The following KCNN2 variants were observed in gnomAD, a reference collection of about 807,000 sequenced individuals.
The protein encoded by KCNN2 is potassium calcium-activated channel subfamily N member 2, also known as small conductance calcium-activated potassium channel protein 2.
In KCNN2, 24 loss-of-function variants were observed where a neutral mutation model predicts 55.5. The ratio of observed to expected loss-of-function variants is 0.43; its 90% CI spans 0.31 to 0.61. The LOEUF is 0.61. Among genes scored for constraint, KCNN2 ranks in the 20% least tolerant of loss-of-function variants. KCNN2 has a pLI of 0.08. For missense variants in KCNN2, 754 were observed against 853.6 expected (o/e 0.88, Z 1.45); for synonymous variants, 431 against 336.1 (o/e 1.28, Z -3.09).
chr5:114,471,356 A>AAAT (rs1761733756), intron 4 of KCNN2, among the ~76,000 whole-genome samples: 1 of 152,188 alleles, frequency 6.6e-6, no homozygotes, highest in Non-Finnish European at 1.5e-5. Context: ...AATGCTCTGC[A>AAAT]AATAGTTGCT....
At chr5:114,299,209 G>A (rs1756100240) in intron 2 of KCNN2, among the ~76,000 whole-genome samples, 1 of 151,248 alleles carries the variant, frequency 6.6e-6, no homozygotes, top group Admixed American at 6.6e-5. Flanking sequence ...CCTCCTCTAT[G>A]TTTGTCAGCA....
rs551344439 is a variant in KCNN2 at position 114,287,158 on chromosome 5, G to A, written c.-185+65593G>A. Among the ~76,000 whole-genome samples the A allele has an allele frequency of 4.9e-4, 74 of 152,168 alleles. No individual in the cohort carries two copies. The South Asian group carries it at 0.011, about 22-fold the overall frequency. ...TAGAGGGTGAAAAGCTAGTTTAAAA[G>A]CAATTGTTCCAACCATTGTGGAAGA... On this transcript the variant is annotated intron_variant, in intron 2 of 10. Transcript: ENST00000512097.
At chr5:114,370,818 G>C (rs563173005) in intron 2 of KCNN2, among the ~76,000 whole-genome samples, 1 of 151,982 alleles carries the variant, frequency 6.6e-6, no homozygotes, top group African/African-American at 2.4e-5. Flanking sequence ...TATGGATTCC[G>C]CCCCCCACCC....
chr5:114,391,711 T>C (rs1758456333), intron 2 of KCNN2, among the ~76,000 whole-genome samples: 8 of 152,226 alleles, frequency 5.3e-5, no homozygotes, highest in Admixed American at 5.2e-4. Context: ...ATGTTATTTT[T>C]CTTTTATAAA....
At chr5:114,489,408 G>GC (rs1226391394) in intron 6 of KCNN2, among the ~76,000 whole-genome samples, 1 of 152,036 alleles carries the variant, frequency 6.6e-6, no homozygotes, top group Admixed American at 6.6e-5. Flanking sequence ...GGAGTCGCTT[G>GC]CACGGGGTCT....
At chr5:114,433,602 A>G (rs1364114578) in intron 3 of KCNN2, 1 of 152,486 alleles carries the variant, frequency 6.6e-6, no homozygotes, top group African/African-American at 2.4e-5. Flanking sequence ...CTTTGGGTCC[A>G]CACTGCCTTT....
At chr5:114,180,884 A>G (rs914007913) in intron 1 of KCNN2, among the ~76,000 whole-genome samples, 1 of 152,192 alleles carries the variant, frequency 6.6e-6, no homozygotes, top group Non-Finnish European at 1.5e-5. Flanking sequence ...GGGTCATACA[A>G]TTATCTACTC....
At chr5:114,255,620 C>T (rs4610451) in intron 2 of KCNN2, among the ~76,000 whole-genome samples, 115,493 of 152,052 alleles carry the variant, frequency 0.76, 43,999 homozygotes, top group East Asian at 0.88. Context: ...AAGGAACCAT[C>T]GTATACAAGG....
intron 2 of KCNN2, among the ~76,000 whole-genome samples, chr5:114,347,216 G>T (rs1757122970): frequency 6.6e-6 from 1 of 152,140 alleles, no homozygotes; most frequent in African/African-American, 2.4e-5. Flanking sequence ...ATTACTGGGT[G>T]AAATTATGAT....
chr5:114,114,186 CTCT>C (rs1040991436), intron 1 of KCNN2, among the ~76,000 whole-genome samples: 13 of 152,130 alleles, frequency 8.5e-5, no homozygotes, highest in South Asian at 4.1e-4. Context: ...TTGATGCAGA[CTCT>C]TCTTCTTCTT....
At chr5:114,352,270 A>G (rs1757218434) in intron 2 of KCNN2, among the ~76,000 whole-genome samples, 1 of 151,416 alleles carries the variant, frequency 6.6e-6, no homozygotes, top group African/African-American at 2.4e-5. Flanking sequence ...GATGCCCTCT[A>G]TTTATTACCA....
At chr5:114,409,614 A>G (rs1291238918) in intron 3 of KCNN2, among the ~76,000 whole-genome samples, 1 of 152,198 alleles carries the variant, frequency 6.6e-6, no homozygotes, top group East Asian at 1.9e-4. Flanking sequence ...GATATCTAAA[A>G]AGAGACTTAG....
At chr5:114,478,885 T>A (rs1409735114) in intron 5 of KCNN2, among the ~76,000 whole-genome samples, 4 of 151,800 alleles carry the variant, frequency 2.6e-5, no homozygotes, top group African/African-American at 9.7e-5. Flanking sequence ...CCTTTCAAGA[T>A]CTCCTGAAGG....
At chr5:114,357,408 C>T (rs1351244486), upstream of KCNN2, among the ~76,000 whole-genome samples, 12 of 136,314 alleles carry the variant, frequency 8.8e-5, no homozygotes, top group Non-Finnish European at 1.7e-4. Context: ...ACTAACTCGT[C>T]ATCTAGCATT....
In KCNN2 at chr5:114,301,245, G is replaced by A. The variant is rs1160611902; in HGVS notation, c.-184-59700G>A. Reference sequence around the variant, plus strand: ...AACCTTGGACTTTTATTTAATCTTTGTCTTTGTATCCTTTTCTGTAAAAGG... The same window carrying A: ...AACCTTGGACTTTTATTTAATCTTTATCTTTGTATCCTTTTCTGTAAAAGG... On this transcript the variant is annotated intron_variant, in intron 2 of 10. Coordinates refer to the KCNN2 transcript ENST00000512097. Among the ~76,000 whole-genome samples the A allele has an allele frequency of 5.3e-5, 8 of 151,748 alleles. 1 individual carries two copies. The highest frequency in any genetic ancestry group is 5.3e-4 in the Admixed American group (8 of 15,220).
intron 1 of KCNN2, among the ~76,000 whole-genome samples, chr5:114,124,740 G>T (rs532939936): frequency 6.6e-6 from 1 of 152,032 alleles, no homozygotes; most frequent in Non-Finnish European, 1.5e-5. Flanking sequence ...TACACTGTTT[G>T]CCTTCTCATT....
intron 1 of KCNN2, among the ~76,000 whole-genome samples, chr5:114,134,492 T>C (rs1165818549): frequency 6.7e-6 from 1 of 150,246 alleles, no homozygotes; most frequent in Admixed American, 6.7e-5. Flanking sequence ...TATTTATTTA[T>C]TTATTTATTT....
chr5:114,183,638 T>C (rs953409023), intron 1 of KCNN2, among the ~76,000 whole-genome samples: 15 of 152,086 alleles, frequency 9.9e-5, no homozygotes, highest in Non-Finnish European at 1.8e-4. Flanking sequence ...AAATTATTCA[T>C]AATATACTCT....
chr5:114,216,787 G>C (rs1270618611), intron 1 of KCNN2, among the ~76,000 whole-genome samples: 1 of 152,074 alleles, frequency 6.6e-6, no homozygotes, highest in African/African-American at 2.4e-5. Flanking sequence ...AGACAAGAAA[G>C]GCAGTAAAAA....
Sources: allele counts gnomAD v4.1 joint callset (sites outside exome capture counted in the v4.1 genomes callset), GRCh38; gene constraint gnomAD v4.1.1; transcripts MANE v1.5; gene names NCBI Gene and HGNC (gene_info 2026-07-23, HGNC 2026-07-21).